The following OPCML variants were observed in gnomAD, a reference collection of about 807,000 sequenced individuals.
OPCML encodes the protein opioid binding protein/cell adhesion molecule like.
OPCML carries 13 observed loss-of-function variants against 37.8 expected under a neutral mutation model. That is an observed-to-expected ratio of 0.34 (90% CI 0.22 to 0.55). OPCML has a LOEUF of 0.55. Among genes scored for constraint, OPCML ranks in the 20% least tolerant of loss-of-function variants. OPCML has a pLI of 0.91. For synonymous variants in OPCML, 176 were observed against 168.8 expected, an observed-to-expected ratio of 1.04 and a Z score of -0.33; for missense variants, 341 against 435.6, an observed-to-expected ratio of 0.78 and a Z score of 1.93.
At chr11:132,479,664 G>A (rs1271346454) in intron 4 of OPCML, among the ~76,000 whole-genome samples, 7 of 152,280 alleles carry the variant, frequency 4.6e-5, no homozygotes, top group South Asian at 4.1e-4. Context: ...CTCCCAGTAC[G>A]CAGCTGGAGA....
intron 1 of OPCML, among the ~76,000 whole-genome samples, chr11:133,510,907 A>T (rs1042300777): frequency 6.6e-6 from 1 of 151,648 alleles, no homozygotes; most frequent in African/African-American, 2.4e-5. Flanking sequence ...ACACACGCAC[A>T]CACACACACA....
At chr11:132,609,145 C>T (rs376222611) in intron 3 of OPCML, among the ~76,000 whole-genome samples, 2 of 152,088 alleles carry the variant, frequency 1.3e-5, no homozygotes, top group East Asian at 1.9e-4. Context: ...CATGCAGAAT[C>T]AATGCCAAAC....
intron 1 of OPCML, among the ~76,000 whole-genome samples, chr11:133,278,406 G>A (rs1942051889): frequency 6.6e-6 from 1 of 152,076 alleles, no homozygotes; most frequent in South Asian, 2.1e-4. Flanking sequence ...ACAGATACAT[G>A]AGAATGAAAA....
intron 1 of OPCML, among the ~76,000 whole-genome samples, chr11:133,021,340 C>A (rs189323355): frequency 6.6e-6 from 1 of 152,252 alleles, no homozygotes; most frequent in East Asian, 1.9e-4. Flanking sequence ...GAACAGCCCA[C>A]CTCAAACGTC....
intron 1 of OPCML, among the ~76,000 whole-genome samples, chr11:133,092,594 C>T (rs373868852): frequency 1.5e-4 from 23 of 152,114 alleles, no homozygotes; most frequent in African/African-American, 5.1e-4. Context: ...GGCATGGTGG[C>T]GCGCACCTGT....
intron 3 of OPCML, among the ~76,000 whole-genome samples, chr11:132,579,719 C>T (rs998498939): frequency 2.0e-5 from 3 of 152,066 alleles, no homozygotes; most frequent in Non-Finnish European, 2.9e-5. Flanking sequence ...GAAAGACGAT[C>T]GAGCTCTGAT....
intron 1 of OPCML, among the ~76,000 whole-genome samples, chr11:133,119,244 T>G (rs11223367): frequency 0.67 from 101,050 of 151,676 alleles, 33,891 homozygotes; most frequent in East Asian, 0.8. Flanking sequence ...CTCCTCAGAT[T>G]CTCATGGTCC....
At chr11:133,107,143 C>T (rs188680910) in intron 1 of OPCML, among the ~76,000 whole-genome samples, 1 of 152,332 alleles carries the variant, frequency 6.6e-6, no homozygotes, top group East Asian at 1.9e-4. Flanking sequence ...GTGCAGGACA[C>T]CTATCCTGTG....
At chr11:133,334,666 A>T (rs1327091501) in intron 1 of OPCML, among the ~76,000 whole-genome samples, 1 of 152,230 alleles carries the variant, frequency 6.6e-6, no homozygotes, top group Non-Finnish European at 1.5e-5. Flanking sequence ...TTAAAAGGAA[A>T]AAACACTTTA....
At chr11:132,819,495 A>C (rs1939847184) in intron 2 of OPCML, among the ~76,000 whole-genome samples, 1 of 152,206 alleles carries the variant, frequency 6.6e-6, no homozygotes, top group South Asian at 2.1e-4. Flanking sequence ...TGAAATCATT[A>C]ACCCAATAGA....
At chr11:133,056,474 A>T (rs1948241816) in intron 1 of OPCML, among the ~76,000 whole-genome samples, 1 of 152,212 alleles carries the variant, frequency 6.6e-6, no homozygotes, top group Non-Finnish European at 1.5e-5. Flanking sequence ...CTTTTTATGA[A>T]AACCAAAATA....
Position 133,337,162 on chromosome 11 carries a change from T to C in OPCML, c.61+195102A>G, listed in dbSNP as rs571267582. Among the ~76,000 whole-genome samples the C allele has an allele frequency of 7.0e-4, 106 of 152,326 alleles. 1 individual carries two copies. Among genetic ancestry groups the C allele is most frequent in the South Asian group, 1.7e-3 (8 of 4,830 alleles). ...CTATTTAGATATGATAAGCAAGACA[T>C]GAAATGTCAGTAATTCTGTTTCTTT... On this transcript the variant is annotated intron_variant, in intron 1 of 7. Transcript: ENST00000524381.
chr11:132,804,356 A>T (rs1372522255), intron 2 of OPCML, among the ~76,000 whole-genome samples: 1 of 152,186 alleles, frequency 6.6e-6, no homozygotes, highest in Non-Finnish European at 1.5e-5. Flanking sequence ...AGAATTTACA[A>T]GGTGGCAAAC....
chr11:133,094,623 T>A (rs938735769), intron 1 of OPCML, among the ~76,000 whole-genome samples: 4 of 152,208 alleles, frequency 2.6e-5, no homozygotes, highest in Admixed American at 2.6e-4. Context: ...ATGATGCAAG[T>A]GTCTGGATAA....
chr11:133,357,280 C>G (rs565953612), intron 1 of OPCML, among the ~76,000 whole-genome samples: 8 of 152,316 alleles, frequency 5.3e-5, no homozygotes, highest in Non-Finnish European at 7.3e-5. Flanking sequence ...GATTCTCCTT[C>G]TTAGTAGCTG....
intron 1 of OPCML, among the ~76,000 whole-genome samples, chr11:133,221,203 G>A (rs753807062): frequency 4.3e-4 from 66 of 152,162 alleles, no homozygotes; most frequent in Non-Finnish European, 7.6e-4. Context: ...GCCGGCCACC[G>A]TGTGTGATGG....
chr11:133,436,250 CTGTT>C (rs1946231232), intron 1 of OPCML, among the ~76,000 whole-genome samples: 2 of 151,976 alleles, frequency 1.3e-5, no homozygotes, highest in South Asian at 2.1e-4. Flanking sequence ...AACCTAGGAA[CTGTT>C]TGTTACATAA....
Position 132,943,887 on chromosome 11 carries a change from G to T in OPCML, c.62-877C>A, listed in dbSNP as rs1408294216. 2.6e-5 allele frequency: 4 copies of T among 151,452 alleles called. No homozygotes were observed. The highest frequency in any genetic ancestry group is 7.3e-5 in the African/African-American group (3 of 41,352). 9.4% of individuals were successfully genotyped at this position (151,452 alleles called of 1,614,324 possible). A position where few individuals can be genotyped will look rare whatever the true frequency, so the allele number is the denominator to read the frequency against. On this transcript the variant is annotated intron_variant, in intron 1 of 7. Transcript: ENST00000524381. The surrounding 1 kb of genome is among the most constrained non-coding windows in gnomAD (Gnocchi z 4.3). ...AGCGGCCGCCCCCGGCCTCCGCGCC[G>T]CCTTCCTCCCGGGAGCAGCCCCGAC...
intron 2 of OPCML, among the ~76,000 whole-genome samples, chr11:132,739,918 C>A (rs887832223): frequency 6.6e-6 from 1 of 152,032 alleles, no homozygotes; most frequent in African/African-American, 2.4e-5. Context: ...CAACCTATTT[C>A]GACAAACAGA....
Sources: gnomAD v4.1 joint callset for allele counts (sites outside exome capture counted in the v4.1 genomes callset) on GRCh38, gnomAD v4.1.1 for gene constraint, Gnocchi (gnomAD v3.1) non-coding constraint, MANE v1.5 for transcripts, NCBI Gene and HGNC (gene_info 2026-07-23, HGNC 2026-07-21) for gene names.